The following ANKIB1 variants were observed in gnomAD, a reference collection of about 807,000 sequenced individuals.
ANKIB1 encodes the protein ankyrin repeat and IBR domain containing 1.
A neutral mutation model predicts 122.1 loss-of-function variants in ANKIB1; 43 were observed. The observed-to-expected ratio is 0.35, with a 90% confidence interval of 0.28 to 0.45. The LOEUF is 0.45. Ranked by LOEUF, ANKIB1 falls within the 20% of genes least tolerant of loss-of-function variation. The pLI, the probability that ANKIB1 is intolerant of heterozygous loss-of-function variation, is 1.00. For synonymous variants in ANKIB1, 390 were observed against 442.0 expected (o/e 0.88, Z 1.48); for missense variants, 992 against 1,329.5 (o/e 0.75, Z 3.95).
intron 5 of ANKIB1, among the ~76,000 whole-genome samples, chr7:92,337,343 T>C (rs183504681): frequency 7.2e-5 from 11 of 152,352 alleles, no homozygotes; most frequent in Non-Finnish European, 1.6e-4. Flanking sequence ...AGAGATTCTG[T>C]TTATCGTGTT....
At chr7:92,337,844 C>T (rs1347658809) in intron 5 of ANKIB1, among the ~76,000 whole-genome samples, 1 of 151,892 alleles carries the variant, frequency 6.6e-6, no homozygotes, top group Non-Finnish European at 1.5e-5. Flanking sequence ...TTATTGAAAT[C>T]TAAGTTGGAG....
intron 7 of ANKIB1, among the ~76,000 whole-genome samples, chr7:92,345,823 A>G (rs1462595346): frequency 6.6e-6 from 1 of 151,958 alleles, no homozygotes; most frequent in East Asian, 1.9e-4. Context: ...ATAGAGTATC[A>G]GTTAGCAAGT....
rs1027809828 is a variant in ANKIB1, at chr7:92,246,253, T to TG, written c.-351dup. The TG allele has an allele frequency of 2.6e-6, 1 of 386,980 alleles. No homozygotes were observed. 24.0% of individuals were successfully genotyped at this position (386,980 alleles called of 1,614,324 possible). A position where few individuals can be genotyped will look rare whatever the true frequency, so the allele number is the denominator to read the frequency against. On this transcript the variant is annotated 5_prime_UTR_variant, in exon 1 of 20. An upstream open reading frame in the 5' UTR loses its in-frame stop. Coordinates refer to ENST00000265742, the MANE Select transcript of ANKIB1 (RefSeq NM_019004.2). ...AGGCGGCGCAGCGGCCGGAGAGGGATGGGGGGCGCCCACCCAGTCTGAGCC... is the reference window on the plus strand; with the variant it reads ...AGGCGGCGCAGCGGCCGGAGAGGGATGGGGGGGCGCCCACCCAGTCTGAGCC...
chr7:92,386,178 A>G (rs1787551320), intron 11 of ANKIB1, among the ~76,000 whole-genome samples: 1 of 152,218 alleles, frequency 6.6e-6, no homozygotes, highest in African/African-American at 2.4e-5. Flanking sequence ...GGAGCTTTAT[A>G]TACAAATGTC....
intron 2 of ANKIB1, among the ~76,000 whole-genome samples, chr7:92,298,105 A>ATAT (rs922601181): frequency 5.3e-5 from 8 of 151,960 alleles, no homozygotes; most frequent in Non-Finnish European, 8.8e-5. Flanking sequence ...ATTTAAAATC[A>ATAT]TATTATTATT....
intron 11 of ANKIB1, among the ~76,000 whole-genome samples, chr7:92,381,969 T>C (rs1329862116): frequency 6.6e-6 from 1 of 152,020 alleles, no homozygotes; most frequent in African/African-American, 2.4e-5. Flanking sequence ...GAGTCAAGAC[T>C]TATCAATGTG....
chr7:92,324,854 T>G (rs1802990717), intron 4 of ANKIB1, among the ~76,000 whole-genome samples: 1 of 152,198 alleles, frequency 6.6e-6, no homozygotes, highest in African/African-American at 2.4e-5. Context: ...TCAACAAAAC[T>G]GAGTGACTGC....
At chr7:92,256,935 A>G (rs1801459355) in intron 1 of ANKIB1, among the ~76,000 whole-genome samples, 1 of 152,236 alleles carries the variant, frequency 6.6e-6, no homozygotes, top group Non-Finnish European at 1.5e-5. Flanking sequence ...CACGCCTGTA[A>G]TCCTGGCACT....
chr7:92,261,888 A>C (rs1343938021), intron 1 of ANKIB1, among the ~76,000 whole-genome samples: 1 of 152,174 alleles, frequency 6.6e-6, no homozygotes, highest in Non-Finnish European at 1.5e-5. Context: ...TTCTATTTGA[A>C]AGAGTCATTG....
rs770714040 is a variant in ANKIB1 at position 92,246,429 on chromosome 7, C to A, written c.-181C>A. 2 of 516,596 alleles carry A rather than the reference C, an allele frequency of 3.9e-6. No individual in the cohort carries two copies. Among genetic ancestry groups the A allele is most frequent in the Non-Finnish European group, 7.7e-6 (2 of 259,352 alleles). The allele number at this position is 516,596 out of a possible 1,614,324, so 32.0% of individuals were successfully genotyped here. On this transcript the variant is annotated 5_prime_UTR_variant, in exon 1 of 20. Transcript: ENST00000265742. Reference sequence around the variant, plus strand: ...GTGGGGCGGGCTGGGTACCTGAGGTCACCAGCTCGGCTGTAGAGGCAGGGG... The same window carrying A: ...GTGGGGCGGGCTGGGTACCTGAGGTAACCAGCTCGGCTGTAGAGGCAGGGG...
intron 1 of ANKIB1, among the ~76,000 whole-genome samples, chr7:92,280,458 C>G (rs1340701633): frequency 4.6e-5 from 7 of 151,302 alleles, no homozygotes; most frequent in Non-Finnish European, 1.0e-4. Flanking sequence ...GCACCCCCCC[C>G]CCCTTTTTTT....
Position 92,246,338 on chromosome 7 carries a change from G to C in ANKIB1, c.-272G>C. 1 of 442,508 alleles carries C rather than the reference G, an allele frequency of 2.3e-6. No homozygotes were observed. The highest frequency in any genetic ancestry group is 4.5e-6 in the Non-Finnish European group (1 of 222,066). The allele number at this position is 442,508 out of a possible 1,614,324, so 27.4% of individuals were successfully genotyped here. ...CCGCGGGCCGCCAGTGCGCACCCTCGGCCACATCAGCCTCCGCCTGGCGGG... is the reference window on the plus strand; with the variant it reads ...CCGCGGGCCGCCAGTGCGCACCCTCCGCCACATCAGCCTCCGCCTGGCGGG... On this transcript the variant is annotated 5_prime_UTR_variant, in exon 1 of 20. Transcript: ENST00000265742.
intron 17 of ANKIB1, 53 bp downstream of exon 17, chr7:92,392,345 C>T: frequency 6.9e-7 from 1 of 1,456,420 alleles, no homozygotes; most frequent in Non-Finnish European, 9.5e-7. Context: ...TGCAGTCGTG[C>T]TTGCATTTGC....
At chr7:92,266,312 G>C (rs1032645862) in intron 1 of ANKIB1, among the ~76,000 whole-genome samples, 1 of 152,128 alleles carries the variant, frequency 6.6e-6, no homozygotes, top group Non-Finnish European at 1.5e-5. Context: ...AAAAGGGAAA[G>C]TTTAATATAA....
At chr7:92,272,017 G>C (rs1407572286) in intron 1 of ANKIB1, among the ~76,000 whole-genome samples, 3 of 152,160 alleles carry the variant, frequency 2.0e-5, no homozygotes, top group Non-Finnish European at 4.4e-5. Context: ...GTTACTAGGG[G>C]AAGGGGAAAT....
intron 3 of ANKIB1, among the ~76,000 whole-genome samples, chr7:92,308,577 A>C (rs1187029986): frequency 6.6e-6 from 1 of 152,150 alleles, no homozygotes; most frequent in African/African-American, 2.4e-5. Context: ...TCCTGAATAC[A>C]TACTGTATTA....
At chr7:92,370,540 A>AAAAAAAATG (rs1804220032) in intron 10 of ANKIB1, among the ~76,000 whole-genome samples, 1 of 146,300 alleles carries the variant, frequency 6.8e-6, no homozygotes, top group Non-Finnish European at 1.5e-5. Flanking sequence ...AAAAAAAAAA[A>AAAAAAAATG]GTTGGTTAAT....
At chr7:92,347,841 G>T in intron 7 of ANKIB1, 1 of 255,744 alleles carries the variant, frequency 3.9e-6, no homozygotes, top group Non-Finnish European at 7.7e-6. Flanking sequence ...TGCTTCCTAG[G>T]ATTATCATCA....
Position 92,397,690 on chromosome 7 carries a change from A to G in ANKIB1, c.2396-33A>G, listed in dbSNP as rs370285229. On this transcript the variant is annotated intron_variant, in intron 18 of 19. Coordinates refer to ENST00000265742, the MANE Select transcript of ANKIB1 (RefSeq NM_019004.2). ...AAATAAATAAGTCTTATTTGTCACT[A>G]AATTGTCTTTGGTACCAATTGCTTT... 4.9e-5 allele frequency: 78 copies of G among 1,605,628 alleles called. No homozygotes were observed. The African/African-American group carries it at 9.4e-4, about 19-fold the overall frequency.
Sources: gnomAD v4.1 joint callset for allele counts (sites outside exome capture counted in the v4.1 genomes callset) on GRCh38, gnomAD v4.1.1 for gene constraint, MANE v1.5 for transcripts, NCBI Gene and HGNC (gene_info 2026-07-23, HGNC 2026-07-21) for gene names.